Variants in ANKRD6 observed in about 807,000 individuals in gnomAD.
The protein encoded by ANKRD6 is ankyrin repeat domain-containing protein 6.
A neutral mutation model predicts 82.3 loss-of-function variants in ANKRD6; 56 were observed. The observed-to-expected ratio is 0.68, with a 90% CI of 0.55 to 0.85. The LOEUF is 0.85. Among genes scored for constraint, ANKRD6 ranks in the 40% least tolerant of loss-of-function variants. ANKRD6 has a pLI of 0.00. For synonymous variants in ANKRD6, 347 were observed against 352.1 expected, an observed-to-expected ratio of 0.99 and a Z score of 0.16; for missense variants, 852 against 907.6, an observed-to-expected ratio of 0.94 and a Z score of 0.79.
intron 1 of ANKRD6, among the ~76,000 whole-genome samples, chr6:89,510,025 T>C (rs1357592018): frequency 6.6e-6 from 1 of 152,212 alleles, no homozygotes; most frequent in Non-Finnish European, 1.5e-5. Context: ...GCCATGTGAC[T>C]ACTTCTAGCC....
chr6:89,602,990 G>A, intron 3 of ANKRD6, 39 bp from the exon 4 acceptor site: 1 of 1,527,890 alleles, frequency 6.5e-7, no homozygotes, highest in Non-Finnish European at 8.9e-7. Flanking sequence ...GGGGTGCAGG[G>A]GAGCTGACTG....
intron 1 of ANKRD6, among the ~76,000 whole-genome samples, chr6:89,461,724 A>G (rs1774166344): frequency 6.6e-6 from 1 of 152,188 alleles, no homozygotes; most frequent in African/African-American, 2.4e-5. Context: ...TGAACTTCAT[A>G]CGGCTGCAGA....
chr6:89,517,862 A>G (rs944130228), intron 1 of ANKRD6, among the ~76,000 whole-genome samples: 5 of 152,240 alleles, frequency 3.3e-5, no homozygotes, highest in African/African-American at 1.2e-4. Flanking sequence ...TCAGCAGGTC[A>G]TGGGATCTTA....
At chr6:89,510,692 C>T (rs1780428808) in intron 1 of ANKRD6, among the ~76,000 whole-genome samples, 1 of 152,098 alleles carries the variant, frequency 6.6e-6, no homozygotes, top group African/African-American at 2.4e-5. Context: ...CTCCTATTTC[C>T]CCCCAATCTC....
intron 7 of ANKRD6, among the ~76,000 whole-genome samples, 186 bp downstream of exon 7, chr6:89,614,076 G>A (rs562726867): frequency 6.6e-6 from 1 of 152,338 alleles, no homozygotes; most frequent in South Asian, 2.1e-4. Context: ...TATCTGGCCT[G>A]CTAGAGAAAG....
intron 1 of ANKRD6, among the ~76,000 whole-genome samples, chr6:89,546,829 T>G (rs560111338): frequency 6.6e-6 from 1 of 152,206 alleles, no homozygotes; most frequent in Non-Finnish European, 1.5e-5. Flanking sequence ...GAGATGTCCC[T>G]GTTTCATAGG....
rs1357656555 is a variant in ANKRD6 at position 89,570,402 on chromosome 6, T to C, written c.120+3306T>C. Among the ~76,000 whole-genome samples, 3 of 152,212 alleles carry C rather than the reference T, an allele frequency of 2.0e-5. No homozygotes were observed. In the South Asian group the frequency reaches 6.2e-4, roughly 31 times the overall value. On this transcript the variant is annotated intron_variant, in intron 2 of 15. Transcript: ENST00000339746. ...AAAATTTATTTATTGTGGTAAAATA[T>C]ACATAGTAAATGTACTACTTCAACC... is the stretch of plus-strand genomic sequence containing the variant.
chr6:89,485,963 A>T, intron 1 of ANKRD6, among the ~76,000 whole-genome samples: 1 of 152,214 alleles, frequency 6.6e-6, no homozygotes, highest in East Asian at 1.9e-4. Flanking sequence ...TTAATGTGTT[A>T]TTTTCCCTAT....
At chr6:89,440,539 A>G (rs572493618) in intron 1 of ANKRD6, among the ~76,000 whole-genome samples, 1 of 152,292 alleles carries the variant, frequency 6.6e-6, no homozygotes, top group South Asian at 2.1e-4. Context: ...CTTTTCTTGT[A>G]TCCACTTCTC....
At chr6:89,447,008 T>C (rs1236693523) in intron 1 of ANKRD6, among the ~76,000 whole-genome samples, 2 of 152,218 alleles carry the variant, frequency 1.3e-5, no homozygotes, top group Non-Finnish European at 2.9e-5. Context: ...CTCTTTCCTT[T>C]ATAAACTACC....
chr6:89,595,256 G>A (rs1042665039), intron 2 of ANKRD6, among the ~76,000 whole-genome samples: 7 of 152,238 alleles, frequency 4.6e-5, no homozygotes, highest in South Asian at 2.1e-4. Context: ...CCAGCTACTC[G>A]GGAGGCTGAG....
At chr6:89,472,531 A>G (rs1671248795) in intron 1 of ANKRD6, among the ~76,000 whole-genome samples, 2 of 152,104 alleles carry the variant, frequency 1.3e-5, no homozygotes, top group South Asian at 2.1e-4. Flanking sequence ...TATGATTTCT[A>G]TTTCTTGACT....
At chr6:89,600,334 G>A (rs1796841948) in intron 3 of ANKRD6, among the ~76,000 whole-genome samples, 1 of 152,138 alleles carries the variant, frequency 6.6e-6, no homozygotes, top group Non-Finnish European at 1.5e-5. Flanking sequence ...CTAAACCAAG[G>A]CTTAGGTTAG....
chr6:89,471,475 A>T (rs559827653), intron 1 of ANKRD6, among the ~76,000 whole-genome samples: 1 of 152,038 alleles, frequency 6.6e-6, no homozygotes, highest in East Asian at 1.9e-4. Context: ...GAGAGTAAGT[A>T]TATATAGACA....
rs188872896 is a variant in ANKRD6 at position 89,506,949 on chromosome 6, G to A, written c.-143-59885G>A. ...ACTGCAGGGGCCTCTTCTTCCATGTGTTGGCATTGGCCAGTGTTGAGGATT... is the reference window on the plus strand; with the variant it reads ...ACTGCAGGGGCCTCTTCTTCCATGTATTGGCATTGGCCAGTGTTGAGGATT... On this transcript the variant is annotated intron_variant, in intron 1 of 15. Coordinates refer to ENST00000339746, the MANE Select transcript of ANKRD6 (RefSeq NM_001242809.2). 3.3e-5 allele frequency among the ~76,000 whole-genome samples: 5 copies of A among 152,328 alleles called. 1 individual carries two copies. The highest frequency in any genetic ancestry group is 1.2e-4 in the African/African-American group (5 of 41,580).
chr6:89,505,784 C>A (rs577968583), intron 1 of ANKRD6, among the ~76,000 whole-genome samples: 4 of 152,230 alleles, frequency 2.6e-5, no homozygotes, highest in African/African-American at 9.6e-5. Flanking sequence ...GAGACATCAG[C>A]ACCCCACGTT....
chr6:89,563,201 G>A (rs1583297500), intron 1 of ANKRD6, among the ~76,000 whole-genome samples: 1 of 152,294 alleles, frequency 6.6e-6, no homozygotes, highest in East Asian at 1.9e-4. Context: ...AAAGAAAACT[G>A]ATTGCATCAC....
chr6:89,468,411 T>C (rs1775079801), intron 1 of ANKRD6, among the ~76,000 whole-genome samples: 1 of 152,134 alleles, frequency 6.6e-6, no homozygotes, highest in Non-Finnish European at 1.5e-5. Flanking sequence ...TATTTAGGCA[T>C]GGTTAAGCTG....
intron 1 of ANKRD6, among the ~76,000 whole-genome samples, chr6:89,443,954 A>G (rs769303135): frequency 2.0e-5 from 3 of 152,250 alleles, no homozygotes; most frequent in Non-Finnish European, 4.4e-5. Context: ...TAGAAATGAT[A>G]GAAAAAGTTG....
Sources: gnomAD v4.1 joint callset for allele counts (sites outside exome capture counted in the v4.1 genomes callset) on GRCh38, gnomAD v4.1.1 for gene constraint, MANE v1.5 for transcripts, NCBI Gene and HGNC (gene_info 2026-07-23, HGNC 2026-07-21) for gene names.